PDXDC1: variants seen among roughly 807,000 people sequenced by gnomAD.
The protein encoded by PDXDC1 is pyridoxal-dependent decarboxylase domain-containing protein 1.
PDXDC1 carries 42 observed loss-of-function variants against 100.1 expected under a neutral mutation model. The ratio of observed to expected loss-of-function variants is 0.42; its 90% CI spans 0.33 to 0.54. The LOEUF (loss-of-function observed/expected upper bound fraction) is 0.54, where lower values mean the gene tolerates loss of function less well. Among genes scored for constraint, PDXDC1 ranks in the 20% least tolerant of loss-of-function variants. The probability of loss-of-function intolerance (pLI) is 0.10; values close to 1 mark genes in which losing one functional copy is unlikely to be tolerated. For synonymous variants in PDXDC1, 260 were observed against 371.7 expected, an observed-to-expected ratio of 0.70 and a Z score of 3.46; for missense variants, 636 against 979.2, an observed-to-expected ratio of 0.65 and a Z score of 4.68.
At chr16:15,047,080 A>AGATCTC in intron 16 of PDXDC1, 1 of 275,824 alleles carries the variant, frequency 3.6e-6, no homozygotes, top group Non-Finnish European at 7.0e-6. Context: ...TACAAGGTGT[A>AGATCTC]GGTGAGAGGA....
Position 15,131,098 on chromosome 16 carries a change from G to A in PDXDC1, c.1400-7781G>A, listed in dbSNP as rs571437331. On this transcript the variant is annotated intron_variant, in intron 16 of 16. Transcript: ENST00000535621. Reference sequence around the variant, plus strand: ...CCCGCTGCACGCACCGTCCAGCAGCGTATAGTTGAGCTGCAGATGCAGCAC... The same window carrying A: ...CCCGCTGCACGCACCGTCCAGCAGCATATAGTTGAGCTGCAGATGCAGCAC... 56 of 1,606,712 alleles carry A rather than the reference G, an allele frequency of 3.5e-5. 1 individual carries two copies. The South Asian group carries it at 3.6e-4, about 10-fold the overall frequency.
At chr16:15,055,174 C>T (rs995728946) in intron 16 of PDXDC1, among the ~76,000 whole-genome samples, 1 of 152,152 alleles carries the variant, frequency 6.6e-6, no homozygotes, top group South Asian at 2.1e-4. Context: ...CTGCCCCCGC[C>T]GCCACGCCCC....
intron 16 of PDXDC1, among the ~76,000 whole-genome samples, chr16:15,097,174 G>A (rs1172086703): frequency 1.3e-5 from 2 of 151,644 alleles, no homozygotes; most frequent in African/African-American, 4.9e-5. Flanking sequence ...AGACAGAGGT[G>A]GGAGAATCAC....
intron 16 of PDXDC1, chr16:15,127,088 CG>C (rs1220452550): frequency 5.6e-6 from 2 of 355,024 alleles, no homozygotes; most frequent in Admixed American, 7.6e-5. Context: ...ACACCCGGCC[CG>C]GCCACTGGGA....
Position 15,031,769 on chromosome 16 carries a change from C to T in PDXDC1, c.1434C>T (p.Leu478=), listed in dbSNP as rs759418191. The T allele has an allele frequency of 8.7e-6, 14 of 1,613,542 alleles. No individual in the cohort carries two copies. The South Asian group carries it at 1.1e-4, about 13-fold the overall frequency. Residue 478 remains leucine, a synonymous_variant, in exon 17 of 23, where the codon CTC becomes CTT. Transcript: ENST00000396410. ...CTCGGGGAGAGGATGTGGATCAGCT[C>T]GTAGCCTGCATAGAAAGCAAACTGC... The part of the protein sequence containing the change: ...LGTRGEDVDQ[L]VACIESKLPV...
intron 16 of PDXDC1, chr16:15,055,962 G>T: frequency 8.1e-7 from 1 of 1,227,088 alleles, no homozygotes; most frequent in South Asian, 4.0e-5. Context: ...CCCTCGACGA[G>T]CAGCGGCATC....
rs765305099 is a variant in PDXDC1 at position 15,036,176 on chromosome 16, C to T, written c.2268C>T (p.Pro756=). The change falls in exon 23 of 23, where the codon CCC becomes CCT. Residue 756 remains proline, a synonymous_variant. Coordinates refer to ENST00000396410, the MANE Select transcript of PDXDC1 (RefSeq NM_015027.4). ...GCACTGAGGGACACCCAGGGGCTCC[C>T]AGCCCTCAGCACACCGACCAGACCG... The part of the protein sequence containing the change: ...ASSTEGHPGA[P]SPQHTDQTEA... 1.2e-6 allele frequency: 2 copies of T among 1,614,160 alleles called. No homozygotes were observed. The highest frequency in any genetic ancestry group is 3.3e-5 in the Admixed American group (2 of 60,022).
At chr16:15,035,648 A>G (rs375599993) in intron 22 of PDXDC1, 95 bp downstream of exon 22, 197 of 677,940 alleles carry the variant, frequency 2.9e-4, no homozygotes, top group Non-Finnish European at 4.1e-4. Flanking sequence ...CCAGAGGTCT[A>G]TTTCTCTTAA....
intron 16 of PDXDC1, among the ~76,000 whole-genome samples, chr16:15,091,673 C>G (rs1048523027): frequency 2.0e-5 from 3 of 152,160 alleles, no homozygotes; most frequent in African/African-American, 7.2e-5. Flanking sequence ...AAACAGCCAG[C>G]TATAATGATC....
chr16:15,130,298 C>A, intron 16 of PDXDC1: 1 of 1,539,342 alleles, frequency 6.5e-7, no homozygotes, highest in East Asian at 2.4e-5. Context: ...GGGGCGAGGT[C>A]TCCTCCAGGG....
At chr16:15,007,746 C>T (rs1377801771) in intron 6 of PDXDC1, among the ~76,000 whole-genome samples, 1 of 152,278 alleles carries the variant, frequency 6.6e-6, no homozygotes, top group Non-Finnish European at 1.5e-5. Context: ...TAATAATCCT[C>T]TGAAACGTGA....
At chr16:15,097,229 C>T (rs1450469356) in intron 16 of PDXDC1, among the ~76,000 whole-genome samples, 1 of 150,854 alleles carries the variant, frequency 6.6e-6, no homozygotes, top group African/African-American at 2.4e-5. Context: ...GACTACACCA[C>T]GACACTCTCT....
At chr16:15,128,504 C>G (rs902007418) in intron 16 of PDXDC1, 1 of 681,152 alleles carries the variant, frequency 1.5e-6, no homozygotes, top group African/African-American at 1.7e-5. Context: ...CACAGGCAGT[C>G]CCGGCTTTGC....
chr16:15,089,807 A>C (rs982935834), intron 16 of PDXDC1, among the ~76,000 whole-genome samples: 3 of 132,702 alleles, frequency 2.3e-5, no homozygotes, highest in African/African-American at 8.0e-5. Flanking sequence ...AAAAAAAAAA[A>C]AAAACAGATT....
the PDXDC1 span, among the ~76,000 whole-genome samples, chr16:15,149,518 C>G: frequency 6.6e-6 from 1 of 152,212 alleles, no homozygotes; most frequent in Non-Finnish European, 1.5e-5. Context: ...GGCATCAGGC[C>G]TAGGGGTCGC....
the PDXDC1 span, among the ~76,000 whole-genome samples, chr16:15,148,183 C>T: frequency 6.6e-6 from 1 of 150,812 alleles, no homozygotes; most frequent in African/African-American, 2.4e-5. Flanking sequence ...CCAGGCTGGC[C>T]TCAAACTCCT....
At chr16:15,144,682 T>C in the PDXDC1 span, among the ~76,000 whole-genome samples, 8 of 152,140 alleles carry the variant, frequency 5.3e-5, no homozygotes, top group African/African-American at 1.9e-4. Flanking sequence ...GGGGGTGACA[T>C]GGGCAGCCTC....
chr16:15,048,587 C>T (rs1219170900), intron 16 of PDXDC1, among the ~76,000 whole-genome samples: 1 of 152,002 alleles, frequency 6.6e-6, no homozygotes, highest in Non-Finnish European at 1.5e-5. Flanking sequence ...AATCAGATTA[C>T]ACAGGAATAG....
rs542275325 is a variant in PDXDC1, at chr16:15,012,985, A to G, written c.728-3144A>G. On this transcript the variant is annotated intron_variant, in intron 8 of 22. Transcript: ENST00000396410. ...AGGAGATCAAGACATCCTGGCTAAC[A>G]TGGTGAAACCCCGTTTCCACTAAAA... 4.6e-5 allele frequency among the ~76,000 whole-genome samples: 7 copies of G among 152,384 alleles called. No homozygotes were observed. In the East Asian group the frequency reaches 1.2e-3, roughly 25 times the overall value.
Sources: allele counts gnomAD v4.1 joint callset (sites outside exome capture counted in the v4.1 genomes callset), GRCh38; gene constraint gnomAD v4.1.1; transcripts MANE v1.5; gene names NCBI Gene and HGNC (gene_info 2026-07-23, HGNC 2026-07-21).